Variants in SLC38A8 observed in about 807,000 individuals in gnomAD.
SLC38A8 encodes the protein solute carrier family 38 member 8.
SLC38A8 carries 65 observed loss-of-function variants against 46.0 expected under a neutral mutation model. The ratio of observed to expected loss-of-function variants is 1.41; its 90% CI spans 1.16 to 1.74. The LOEUF is 1.74. Ranked by LOEUF, SLC38A8 falls within the 40% of genes most tolerant of loss-of-function variation. SLC38A8 has a pLI of 0.00. For missense variants in SLC38A8, 998 were observed against 567.9 expected (o/e 1.76, Z -7.70); for synonymous variants, 447 against 243.7 (o/e 1.83, Z -7.77).
chr16:84,028,568 A>G (rs1006820359), intron 6 of SLC38A8, among the ~76,000 whole-genome samples: 8 of 115,316 alleles, frequency 6.9e-5, no homozygotes, highest in African/African-American at 2.4e-4. Context: ...AACTCAAAAA[A>G]AGAAAAAAAA....
chr16:84,014,791 T>C (rs1482624630), intron 9 of SLC38A8, among the ~76,000 whole-genome samples: 1 of 152,242 alleles, frequency 6.6e-6, no homozygotes, highest in East Asian at 1.9e-4. Flanking sequence ...ATTCACCTGC[T>C]AAGAACCCAC....
At chr16:84,017,590 A>C (rs1251022265) in intron 7 of SLC38A8, among the ~76,000 whole-genome samples, 1 of 152,198 alleles carries the variant, frequency 6.6e-6, no homozygotes, top group Non-Finnish European at 1.5e-5. Flanking sequence ...ACTTTGAAAA[A>C]TACAAACACA....
intron 10 of SLC38A8, among the ~76,000 whole-genome samples, chr16:84,011,692 G>T (rs182538906): frequency 1.3e-5 from 2 of 152,184 alleles, no homozygotes; most frequent in African/African-American, 2.4e-5. Flanking sequence ...CCTAGATTTA[G>T]GGTGGACCCT....
upstream of SLC38A8, among the ~76,000 whole-genome samples, chr16:84,043,252 C>A (rs924323641): frequency 2.0e-5 from 3 of 152,192 alleles, no homozygotes; most frequent in African/African-American, 7.2e-5. Context: ...ACACATCTCT[C>A]CAAACTGATA....
Position 84,036,810 on chromosome 16 carries a change from C to T in SLC38A8, c.280G>A (p.Gly94Arg), listed in dbSNP as rs2085304900. Reference protein sequence around the residue: ...GQATYQGVVRGLCGPAIGKLC... With the variant: ...GQATYQGVVRRLCGPAIGKLC... The stretch of plus-strand genomic sequence containing the variant: ...TTCCCAATGGCAGGGCCACACAGCC[C>T]CCTGACCACACCCTGGTAGGTGGCC... The change falls in exon 3 of 11, where the codon GGG becomes AGG. Residue 94 changes from glycine to arginine, a missense_variant. By Grantham distance (125) the Gly-to-Arg change is moderately radical (BLOSUM62 -2). Transcript: ENST00000299709. 2 of 1,613,982 alleles carry T rather than the reference C, an allele frequency of 1.2e-6. No individual in the cohort carries two copies. The highest frequency in any genetic ancestry group is 1.3e-5 in the African/African-American group (1 of 74,942).
chr16:84,036,702 G>C lies in SLC38A8; in HGVS notation c.388C>G (p.Leu130Val), dbSNP rs548363281. ...CCCCGAGTCCCATGAAGGTACTTAC[G>C]CTTCTCCAGCTGGTCCCCGATCACC... ...LRVIGDQLEK[L>V]CDSLLSGTPP... The change falls in exon 3 of 11, where the codon CTG becomes GTG. Residue 130 changes from leucine (L) to valine (V), a missense_variant and splice_region_variant. Coordinates refer to ENST00000299709, the MANE Select transcript of SLC38A8 (RefSeq NM_001080442.3). 1.2e-6 allele frequency: 2 copies of C among 1,613,998 alleles called. No homozygotes were observed. Among genetic ancestry groups the C allele is most frequent in the Admixed American group, 1.7e-5 (1 of 60,014 alleles).
chr16:84,022,760 T>A lies in SLC38A8; in HGVS notation c.805+15A>T, dbSNP rs1049057701. ...ACTCCCCACCCTCTGCAGGGGTGCC[T>A]GGGAAGGGCCTTACCCGTCAGTGAA... is the stretch of plus-strand genomic sequence containing the variant. On this transcript the variant is annotated intron_variant, in intron 7 of 10. Coordinates refer to ENST00000299709, the MANE Select transcript of SLC38A8 (RefSeq NM_001080442.3). 5 of 1,610,070 alleles carry A rather than the reference T, an allele frequency of 3.1e-6. No individual in the cohort carries two copies. The highest frequency in any genetic ancestry group is 4.2e-6 in the Non-Finnish European group (5 of 1,176,634).
At chr16:84,019,363 C>T (rs550157107) in intron 7 of SLC38A8, among the ~76,000 whole-genome samples, 178 of 152,216 alleles carry the variant, frequency 1.2e-3, no homozygotes, top group Non-Finnish European at 2.1e-3. Flanking sequence ...CATGAGCCAC[C>T]GCACCCAGCC....
rs1160492854 is a variant in SLC38A8, at chr16:84,036,783, G to A, written c.307C>T (p.Leu103=). 3 of 1,614,196 alleles carry A rather than the reference G, an allele frequency of 1.9e-6. No homozygotes were observed. The highest frequency in any genetic ancestry group is 2.5e-6 in the Non-Finnish European group (3 of 1,180,040). ...TTGAGGAGGAAGCAGGCCTCACACA[G>A]CTTCCCAATGGCAGGGCCACACAGC... ...RGLCGPAIGK[L]CEACFLLNLL... The change falls in exon 3 of 11, where the codon CTG becomes TTG. Residue 103 remains leucine, a synonymous_variant. Transcript: ENST00000299709.
At chr16:84,042,285 G>A in intron 1 of SLC38A8, 126 bp from the exon 2 acceptor site, 1 of 1,021,122 alleles carries the variant, frequency 9.8e-7, no homozygotes, top group Non-Finnish European at 1.4e-6. Flanking sequence ...CGCTTCCTTG[G>A]CGTCAGCTCC....
At position 84,022,865 on chromosome 16, in the gene SLC38A8, A is replaced by G. The variant is rs536271304; in HGVS notation, c.715T>C (p.Tyr239His). The G allele has an allele frequency of 6.2e-7, 1 of 1,607,938 alleles. No homozygotes were observed. The highest frequency in any genetic ancestry group is 1.1e-5 in the South Asian group (1 of 90,186). ...AGGCTCCGTTTGCGCATGCTGCAGT[A>G]GATGGAGACGGCAGCTTCGTGACAC... The part of the protein sequence containing the change: ...FQCHEAAVSI[Y>H]CSMRKRSLSH... The change falls in exon 7 of 11, where the codon TAC becomes CAC. Residue 239 changes from tyrosine (Y) to histidine (H), a missense_variant. Transcript: ENST00000299709.
chr16:84,028,252 G>A (rs932615855), intron 6 of SLC38A8, among the ~76,000 whole-genome samples: 4 of 152,058 alleles, frequency 2.6e-5, no homozygotes, highest in Non-Finnish European at 5.9e-5. Flanking sequence ...TGGATAGGTG[G>A]TTGTTTTTAG....
chr16:84,014,372 G>T (rs898236690), intron 9 of SLC38A8, among the ~76,000 whole-genome samples: 1 of 150,770 alleles, frequency 6.6e-6, no homozygotes, highest in Non-Finnish European at 1.5e-5. Flanking sequence ...GGAGTCGTGT[G>T]GCCACATCCC....
intron 6 of SLC38A8, among the ~76,000 whole-genome samples, chr16:84,025,168 C>T (rs1010082638): frequency 3.3e-5 from 5 of 150,394 alleles, no homozygotes; most frequent in African/African-American, 7.3e-5. Flanking sequence ...ATGCTTTTTC[C>T]GGACACACTG....
intron 4 of SLC38A8, among the ~76,000 whole-genome samples, chr16:84,032,567 G>C (rs1597272582): frequency 6.6e-6 from 1 of 152,310 alleles, no homozygotes; most frequent in African/African-American, 2.4e-5. Flanking sequence ...AAGCTAATCA[G>C]CCACTCAGCC....
chr16:84,026,240 G>C (rs536029556), intron 6 of SLC38A8, among the ~76,000 whole-genome samples: 54 of 152,092 alleles, frequency 3.6e-4, no homozygotes, highest in Non-Finnish European at 7.6e-4. Flanking sequence ...GTTTTGTTTT[G>C]TTTTTTTGAG....
At chr16:84,024,567 G>T (rs1332474452) in intron 6 of SLC38A8, among the ~76,000 whole-genome samples, 3 of 152,020 alleles carry the variant, frequency 2.0e-5, no homozygotes, top group African/African-American at 7.2e-5. Flanking sequence ...GATCACCTGA[G>T]GTCTGGAGTT....
intron 2 of SLC38A8, among the ~76,000 whole-genome samples, chr16:84,039,159 A>C (rs960077680): frequency 6.6e-6 from 1 of 152,126 alleles, no homozygotes; most frequent in African/African-American, 2.4e-5. Context: ...AGCCACCAGG[A>C]GCTCGAAGAG....
At chr16:84,031,611 C>T (rs1254248170) in intron 5 of SLC38A8, among the ~76,000 whole-genome samples, 1 of 152,252 alleles carries the variant, frequency 6.6e-6, no homozygotes, top group Non-Finnish European at 1.5e-5. Context: ...AACCTATGAC[C>T]CCTAGGCCGC....
Sources: allele counts gnomAD v4.1 joint callset (sites outside exome capture counted in the v4.1 genomes callset), GRCh38; gene constraint gnomAD v4.1.1; transcripts MANE v1.5; gene names NCBI Gene and HGNC (gene_info 2026-07-23, HGNC 2026-07-21).